The following NECAB3 variants were observed in gnomAD, a reference collection of about 807,000 sequenced individuals.
NECAB3 encodes the protein N-terminal EF-hand calcium binding protein 3, also known as N-terminal EF-hand calcium-binding protein 3.
In NECAB3, 38 loss-of-function variants were observed where a neutral mutation model predicts 57.2. The observed-to-expected ratio is 0.66, with a 90% CI of 0.51 to 0.87. The LOEUF is 0.87. Ranked by LOEUF, NECAB3 falls within the 40% of genes least tolerant of loss-of-function variation. The probability of loss-of-function intolerance (pLI) is 0.00; values close to 1 mark genes in which losing one functional copy is unlikely to be tolerated. For synonymous variants in NECAB3, 223 were observed against 222.6 expected (o/e 1.00, Z -0.02); for missense variants, 474 against 527.5 (o/e 0.90, Z 0.99).
chr20:33,663,604 G>T (rs1404195579), intron 5 of NECAB3: 2 of 1,610,844 alleles, frequency 1.2e-6, no homozygotes, highest in African/African-American at 2.7e-5. Context: ...GATTGACTAC[G>T]CGTCCGGCGC....
chr20:33,658,728 C>T lies in NECAB3; in HGVS notation c.986G>A (p.Cys329Tyr). The T allele has an allele frequency of 6.2e-7, 1 of 1,613,742 alleles. No homozygotes were observed. Among genetic ancestry groups the T allele is most frequent in the Non-Finnish European group, 8.5e-7 (1 of 1,179,922 alleles). Residue 329 changes from cysteine to tyrosine, a missense_variant, in exon 9 of 12, where the codon TGT becomes TAT. Cys to Tyr is a radical substitution (Grantham distance 194). Coordinates refer to ENST00000246190, the MANE Select transcript of NECAB3 (RefSeq NM_031232.4). Reference sequence around the variant, plus strand: ...CTGCCAGCTGGGGACTCACTGCAGACAATGGCTCTGGGCCCCTGTGAAGTC... The same window carrying T: ...CTGCCAGCTGGGGACTCACTGCAGATAATGGCTCTGGGCCCCTGTGAAGTC... ...YVDFTGAQSH[C>Y]LHVSAQKMLD...
chr20:33,667,393 G>A (rs1454942519), intron 5 of NECAB3: 5 of 1,374,868 alleles, frequency 3.6e-6, no homozygotes, highest in Non-Finnish European at 4.7e-6. Context: ...GGTGTGCCCA[G>A]AGCAGTGGCC....
intron 5 of NECAB3, chr20:33,663,788 CG>C: frequency 7.0e-7 from 1 of 1,424,662 alleles, no homozygotes; most frequent in Non-Finnish European, 9.1e-7. Context: ...TTCCGGTCCC[CG>C]GGGAAGGCTC....
chr20:33,658,715 G>T lies in NECAB3; in HGVS notation c.992+7C>A. On this transcript the variant is annotated splice_region_variant and intron_variant, in intron 9 of 11. Coordinates refer to ENST00000246190, the MANE Select transcript of NECAB3 (RefSeq NM_031232.4). The stretch of plus-strand genomic sequence containing the variant: ...CTGGCCATCCCACCTGCCAGCTGGG[G>T]ACTCACTGCAGACAATGGCTCTGGG... 6.2e-7 allele frequency: 1 copy of T among 1,612,824 alleles called. No individual in the cohort carries two copies. The highest frequency in any genetic ancestry group is 1.1e-5 in the South Asian group (1 of 91,052).
intron 1 of NECAB3, among the ~76,000 whole-genome samples, chr20:33,672,891 T>C (rs1292473672): frequency 6.6e-6 from 1 of 152,160 alleles, no homozygotes; most frequent in Admixed American, 6.5e-5. Flanking sequence ...GCTGTTTCCT[T>C]GCGTGCTGTT....
chr20:33,668,186 C>CCATG (rs1251011045), intron 5 of NECAB3: 4 of 1,610,342 alleles, frequency 2.5e-6, no homozygotes, highest in Non-Finnish European at 3.4e-6. Context: ...ATAACTCGGG[C>CCATG]CATGTACCAG....
At position 33,659,829 on chromosome 20, in the gene NECAB3, G is replaced by A. The variant is rs975428168; in HGVS notation, c.643+56C>T. 4.6e-6 allele frequency: 7 copies of A among 1,533,662 alleles called. No homozygotes were observed. The African/African-American group carries it at 8.2e-5, about 18-fold the overall frequency. On this transcript the variant is annotated intron_variant, in intron 7 of 11. Coordinates refer to ENST00000246190, the MANE Select transcript of NECAB3 (RefSeq NM_031232.4). The stretch of plus-strand genomic sequence containing the variant: ...GGCAGTGAAGGAGCGGGCCCTGGGG[G>A]AAGGGGGGATGCGGTGCCTGCCTCG...
Position 33,660,243 on chromosome 20 carries a change from C to A in NECAB3, c.524+16G>T. Reference sequence around the variant, plus strand: ...CTTGTGCACTAGCCCCACAGGTTGACAGCACCCTTACATACCGCCAGCCAT... The same window carrying A: ...CTTGTGCACTAGCCCCACAGGTTGAAAGCACCCTTACATACCGCCAGCCAT... On this transcript the variant is annotated intron_variant, in intron 6 of 11. Coordinates refer to ENST00000246190, the MANE Select transcript of NECAB3 (RefSeq NM_031232.4). This position sits in a 1 kb window ranked among gnomAD's most constrained non-coding sequence, Gnocchi z 4.1. 6.2e-7 allele frequency: 1 copy of A among 1,610,196 alleles called. No individual in the cohort carries two copies. The highest frequency in any genetic ancestry group is 8.5e-7 in the Non-Finnish European group (1 of 1,177,996).
intron 2 of NECAB3, 75 bp downstream of exon 2, chr20:33,672,323 C>G: frequency 6.3e-7 from 1 of 1,576,036 alleles, no homozygotes; most frequent in Non-Finnish European, 8.7e-7. Flanking sequence ...CCCACCCAAC[C>G]TCCCAACTCT....
chr20:33,657,932 C>T lies in NECAB3; in HGVS notation c.1162+10G>A, dbSNP rs1326844172. On this transcript the variant is annotated intron_variant, in intron 11 of 11. Coordinates refer to ENST00000246190, the MANE Select transcript of NECAB3 (RefSeq NM_031232.4). ...TCCAGGGCCACAGTGAGTGGGGGTC[C>T]ACCGCATACCTGGGAAGAACACAGT... The T allele has an allele frequency of 1.3e-6, 2 of 1,553,544 alleles. No individual in the cohort carries two copies. The highest frequency in any genetic ancestry group is 1.7e-6 in the Non-Finnish European group (2 of 1,148,176).
At chr20:33,673,171 C>A (rs976294249) in intron 1 of NECAB3, among the ~76,000 whole-genome samples, 1 of 152,122 alleles carries the variant, frequency 6.6e-6, no homozygotes, top group Non-Finnish European at 1.5e-5. Context: ...GACAGGTCCC[C>A]GTCTCTCTTA....
chr20:33,672,123 G>C (rs965847938), intron 2 of NECAB3: 5 of 536,044 alleles, frequency 9.3e-6, no homozygotes, highest in Non-Finnish European at 1.7e-5. Context: ...AGAGGGCCAC[G>C]TACAGGAAGT....
In NECAB3 at chr20:33,661,104, T is replaced by G. The variant is rs536430098; in HGVS notation, c.388-709A>C. On this transcript the variant is annotated intron_variant, in intron 5 of 11. Transcript: ENST00000246190. Reference sequence around the variant, plus strand: ...TTCCTCATCTATCAAACAGGAAAGATGAAACTCAGCACATGGAGCTGCAAG... The same window carrying G: ...TTCCTCATCTATCAAACAGGAAAGAGGAAACTCAGCACATGGAGCTGCAAG... 1.6e-4 allele frequency among the ~76,000 whole-genome samples: 24 copies of G among 152,332 alleles called. No individual in the cohort carries two copies. The East Asian group carries it at 4.6e-3, about 29-fold the overall frequency.
At position 33,657,527 on chromosome 20, in the gene NECAB3, A is replaced by G. The variant is rs1005419523; in HGVS notation, c.*302T>C. 2 of 364,346 alleles carry G rather than the reference A, an allele frequency of 5.5e-6. No homozygotes were observed. The highest frequency in any genetic ancestry group is 4.6e-6 in the Non-Finnish European group (1 of 216,372). 22.6% of individuals were successfully genotyped at this position (364,346 alleles called of 1,614,324 possible). A position where few individuals can be genotyped will look rare whatever the true frequency, so the allele number is the denominator to read the frequency against. On this transcript the variant is annotated 3_prime_UTR_variant, in exon 12 of 12. Transcript: ENST00000246190. The stretch of plus-strand genomic sequence containing the variant: ...TGAGGCCCACCCAGACAGGGACGGG[A>G]CCTGCCCTGGGTCGCTCAGCCAGGC...
rs183123972 is a variant in NECAB3, at chr20:33,672,265, T to C, written c.154+133A>G. 46 of 1,052,256 alleles carry C rather than the reference T, an allele frequency of 4.4e-5. No homozygotes were observed. In the East Asian group the frequency reaches 9.5e-4, roughly 22 times the overall value. 65.2% of individuals were successfully genotyped at this position (1,052,256 alleles called of 1,614,324 possible). ...GCACTTCCTCTGGGAAGTGCCTTGATTGATTCTCCTGTTTTGGGCCCCCAA... is the reference window on the plus strand; with the variant it reads ...GCACTTCCTCTGGGAAGTGCCTTGACTGATTCTCCTGTTTTGGGCCCCCAA... On this transcript the variant is annotated intron_variant, in intron 2 of 11. Coordinates refer to ENST00000246190, the MANE Select transcript of NECAB3 (RefSeq NM_031232.4).
chr20:33,663,460 C>T, intron 5 of NECAB3: 1 of 1,491,472 alleles, frequency 6.7e-7, no homozygotes, highest in Non-Finnish European at 9.0e-7. Flanking sequence ...CCAGGAGAAG[C>T]GCGGAGCGGC....
chr20:33,674,646 G>A (rs750358800), upstream of NECAB3: 1 of 158,132 alleles, frequency 6.3e-6, no homozygotes, highest in South Asian at 2.0e-4. Flanking sequence ...AGAGGGACAG[G>A]ATGACCAAGC....
intron 2 of NECAB3, 179 bp downstream of exon 2, chr20:33,672,219 T>TCTCA: frequency 1.4e-6 from 1 of 723,346 alleles, no homozygotes; most frequent in Non-Finnish European, 2.3e-6. Flanking sequence ...CTCTCCATCC[T>TCTCA]GCCAAACTTG....
At chr20:33,663,360 G>A (rs142413786) in intron 5 of NECAB3, 494 of 655,396 alleles carry the variant, frequency 7.5e-4, no homozygotes, top group Non-Finnish European at 1.1e-3. Context: ...GCTTCCCCGC[G>A]GCCTGAATTG....
Sources: allele counts gnomAD v4.1 joint callset (sites outside exome capture counted in the v4.1 genomes callset), GRCh38; gene constraint gnomAD v4.1.1; non-coding constraint Gnocchi (gnomAD v3.1); transcripts MANE v1.5; gene names NCBI Gene and HGNC (gene_info 2026-07-23, HGNC 2026-07-21).